Variants in POM121 observed in about 807,000 individuals in gnomAD.
POM121 encodes nuclear envelope pore membrane protein POM 121.
POM121 carries 32 observed loss-of-function variants against 81.3 expected under a neutral mutation model. The ratio of observed to expected loss-of-function variants is 0.39; its 90% CI spans 0.30 to 0.53. The LOEUF (loss-of-function observed/expected upper bound fraction) is 0.53, where lower values mean the gene tolerates loss of function less well. Among genes scored for constraint, POM121 ranks in the 20% least tolerant of loss-of-function variants. The pLI is 0.66. For synonymous variants in POM121, 514 were observed against 694.2 expected, an observed-to-expected ratio of 0.74 and a Z score of 4.08; for missense variants, 1,138 against 1,614.6, an observed-to-expected ratio of 0.70 and a Z score of 5.06.
At chr7:72,949,775 T>A, downstream of POM121, 1 of 929,830 alleles carries the variant, frequency 1.1e-6, no homozygotes, top group Non-Finnish European at 1.8e-6. Flanking sequence ...AGTCATCCTT[T>A]CAGCCTTCAT....
At chr7:72,935,042 CAAAA>C (rs1192083787) in intron 5 of POM121, among the ~76,000 whole-genome samples, 1 of 132,996 alleles carries the variant, frequency 7.5e-6, no homozygotes, top group African/African-American at 2.7e-5. Context: ...TCAATTTCCA[CAAAA>C]AAAAAAAAAA....
chr7:72,920,499 T>C (rs138810099), upstream of POM121, among the ~76,000 whole-genome samples: 2,152 of 151,818 alleles, frequency 0.014, 128 homozygotes, highest in East Asian at 0.12. Context: ...CAGGCACCAG[T>C]CACCATCACC....
At chr7:72,879,907 C>T (rs1178102488) in intron 1 of POM121, 5 of 509,714 alleles carry the variant, frequency 9.8e-6, no homozygotes, top group African/African-American at 1.9e-5. Context: ...GTTTTCGGGC[C>T]CGGAGCGAGA....
At chr7:72,881,278 C>A (rs544561741) in intron 1 of POM121, among the ~76,000 whole-genome samples, 1 of 150,466 alleles carries the variant, frequency 6.6e-6, no homozygotes, top group African/African-American at 2.4e-5. Flanking sequence ...CATGTTGGCC[C>A]AGGCAGGCGG....
At chr7:72,890,045 A>G (rs1217594760) in intron 1 of POM121, among the ~76,000 whole-genome samples, 13 of 152,196 alleles carry the variant, frequency 8.5e-5, no homozygotes, top group Admixed American at 8.5e-4. Context: ...AGCTTTGGGC[A>G]TTCATTCATT....
chr7:72,938,427 G>A (rs540845991), intron 5 of POM121, among the ~76,000 whole-genome samples, 163 bp from the exon 6 acceptor site: 75 of 152,172 alleles, frequency 4.9e-4, no homozygotes, highest in Non-Finnish European at 9.4e-4. Flanking sequence ...CTGGGCTCAA[G>A]CGATCCTCCC....
At chr7:72,921,650 A>C (rs1180274527), upstream of POM121, among the ~76,000 whole-genome samples, 1 of 152,180 alleles carries the variant, frequency 6.6e-6, no homozygotes, top group Non-Finnish European at 1.5e-5. Context: ...TTATATATCC[A>C]CAACAGCATG....
At chr7:72,944,673 C>A (rs1797485556) in intron 11 of POM121, among the ~76,000 whole-genome samples, 1 of 152,098 alleles carries the variant, frequency 6.6e-6, no homozygotes, top group African/African-American at 2.4e-5. Context: ...CGATGCAGCT[C>A]AGGGGGTGCA....
intron 5 of POM121, among the ~76,000 whole-genome samples, chr7:72,937,813 G>A (rs1159989616): frequency 4.0e-5 from 6 of 151,138 alleles, no homozygotes; most frequent in South Asian, 2.1e-4. Flanking sequence ...CGTCTTTGCT[G>A]TCAAGAACTC....
chr7:72,946,330 CA>C lies in POM121; in HGVS notation c.*99del. ...CTTGGACCCTTCCAGTTGCGTAAAG[CA>C]AACCTACCCCGGATCTCTGGCTTCA... On this transcript the variant is annotated 3_prime_UTR_variant, in exon 13 of 13. Transcript: ENST00000434423. 1.3e-6 allele frequency: 2 copies of C among 1,501,642 alleles called. No homozygotes were observed. The allele number at this position is 1,501,642 out of a possible 1,614,324, so 93.0% of individuals were successfully genotyped here.
intron 1 of POM121, among the ~76,000 whole-genome samples, chr7:72,888,348 C>A (rs1189796115): frequency 6.6e-6 from 1 of 152,024 alleles, no homozygotes; most frequent in African/African-American, 2.4e-5. Context: ...ATTAAGTTGA[C>A]CTTAATAATA....
At chr7:72,944,319 C>G (rs1195036880) in intron 11 of POM121, among the ~76,000 whole-genome samples, 6 of 151,956 alleles carry the variant, frequency 3.9e-5, no homozygotes, top group African/African-American at 1.5e-4. Flanking sequence ...GATGGTTCCT[C>G]CCATGTGGAA....
chr7:72,939,562 T>G (rs1293075260), intron 7 of POM121, among the ~76,000 whole-genome samples, 153 bp downstream of exon 7: 3 of 152,144 alleles, frequency 2.0e-5, no homozygotes, highest in African/African-American at 7.2e-5. Flanking sequence ...CCTTCAGAAG[T>G]TTATAGTCTG....
At chr7:72,950,146 A>AAGG (rs1797963803), downstream of POM121, 1 of 1,605,358 alleles carries the variant, frequency 6.2e-7, no homozygotes, top group Non-Finnish European at 8.5e-7. Context: ...CTCCGGCATC[A>AAGG]AGGGGTCCAG....
downstream of POM121, chr7:72,948,690 T>C: frequency 6.3e-7 from 1 of 1,598,424 alleles, no homozygotes; most frequent in Non-Finnish European, 8.6e-7. Context: ...ACCCGTTCAA[T>C]TACAGCAACG....
rs782237985 is a variant in POM121 at position 72,942,217 on chromosome 7, G to T, written c.2224G>T (p.Gly742Cys). The T allele has an allele frequency of 6.2e-6, 10 of 1,610,024 alleles. 1 individual carries two copies. In the South Asian group the frequency reaches 1.1e-4, roughly 18 times the overall value. Residue 742 changes from glycine to cysteine, a missense_variant, in exon 11 of 13, where the codon GGC becomes TGC. Coordinates refer to ENST00000434423, the MANE Select transcript of POM121 (RefSeq NM_001387691.1). ...FTAPPKSEKEGPTPPGPSVTA... is the reference protein window; with the variant it reads ...FTAPPKSEKECPTPPGPSVTA... Reference sequence around the variant, plus strand: ...GGCTCCACCCAAGAGTGAGAAGGAAGGCCCCACACCGCCTGGCCCTTCAGT... The same window carrying T: ...GGCTCCACCCAAGAGTGAGAAGGAATGCCCCACACCGCCTGGCCCTTCAGT...
intron 4 of POM121, among the ~76,000 whole-genome samples, chr7:72,917,529 T>C (rs781993398): frequency 1.3e-5 from 2 of 152,162 alleles, no homozygotes; most frequent in Non-Finnish European, 2.9e-5. Flanking sequence ...CCAGAGGAAT[T>C]CTCCCCAGCT....
In POM121 at chr7:72,942,522, G is replaced by A; in HGVS notation, c.2529G>A (p.Val843=). The change falls in exon 11 of 13, where the codon GTG becomes GTA. Residue 843 remains valine, a synonymous_variant. Transcript: ENST00000434423. ...KPAFGFGINS[V]SSSSVSTTTS... ...CGTTTGGCTTTGGCATAAACAGTGT[G>A]AGCAGCAGCAGTGTGAGTACCACGA... is the stretch of plus-strand genomic sequence containing the variant. The A allele has an allele frequency of 1.0e-6, 1 of 989,236 alleles. No homozygotes were observed. 61.3% of individuals were successfully genotyped at this position (989,236 alleles called of 1,614,324 possible). A position where few individuals can be genotyped will look rare whatever the true frequency, so the allele number is the denominator to read the frequency against.
At chr7:72,940,024 G>A (rs1390800500) in intron 8 of POM121, 56 bp downstream of exon 8, 1 of 1,576,272 alleles carries the variant, frequency 6.3e-7, no homozygotes, top group Non-Finnish European at 8.6e-7. Context: ...CTAAGTATTA[G>A]GAACGCTAAG....
Sources: gnomAD v4.1 joint callset for allele counts (sites outside exome capture counted in the v4.1 genomes callset) on GRCh38, gnomAD v4.1.1 for gene constraint, MANE v1.5 for transcripts, NCBI Gene and HGNC (gene_info 2026-07-23, HGNC 2026-07-21) for gene names.